The following NFYB variants were observed in gnomAD, a reference collection of about 807,000 sequenced individuals.
The protein encoded by NFYB is nuclear transcription factor Y subunit beta.
Under a neutral mutation model 28.0 loss-of-function variants are expected in NFYB, and 13 were observed. That is an observed-to-expected ratio of 0.46 (90% CI 0.30 to 0.74). The LOEUF is 0.74. NFYB is among the 30% of genes least tolerant of loss of function. The pLI, the probability that NFYB is intolerant of heterozygous loss-of-function variation, is 0.07. For missense variants in NFYB, 142 were observed against 247.6 expected, an observed-to-expected ratio of 0.57 and a Z score of 2.86; for synonymous variants, 74 against 75.0, an observed-to-expected ratio of 0.99 and a Z score of 0.07.
chr12:104,128,381 T>G (rs762544661), intron 3 of NFYB, 43 bp downstream of exon 3: 24 of 1,425,092 alleles, frequency 1.7e-5, no homozygotes, highest in Non-Finnish European at 2.3e-5. Flanking sequence ...ACTTTCTAAC[T>G]TGCTTCAACT....
At chr12:104,126,643 A>G (rs2030726679) in intron 3 of NFYB, among the ~76,000 whole-genome samples, 1 of 152,058 alleles carries the variant, frequency 6.6e-6, no homozygotes, top group South Asian at 2.1e-4. Flanking sequence ...TTGCTACTTA[A>G]TGTCACGAAT....
At chr12:104,124,796 T>G (rs577606070) in intron 4 of NFYB, among the ~76,000 whole-genome samples, 1 of 152,246 alleles carries the variant, frequency 6.6e-6, no homozygotes, top group African/African-American at 2.4e-5. Context: ...ACCAGCGGCA[T>G]AGCTGGTCAT....
At position 104,118,574 on chromosome 12, in the gene NFYB, G is replaced by T. The variant is rs1051508349; in HGVS notation, c.*1163C>A. On this transcript the variant is annotated 3_prime_UTR_variant, in exon 8 of 8. Coordinates refer to ENST00000240055, the MANE Select transcript of NFYB (RefSeq NM_006166.4). ...CCCTCAAGTTAATTAACACCAAAAA[G>T]AATAGATGAGAAAATACAAATCCTC... 7.9e-5 allele frequency: 12 copies of T among 152,416 alleles called. No individual in the cohort carries two copies. Among genetic ancestry groups the T allele is most frequent in the African/African-American group, 2.9e-4 (12 of 41,388 alleles). 9.4% of individuals were successfully genotyped at this position (152,416 alleles called of 1,614,324 possible).
At chr12:104,133,212 A>G (rs980186360) in intron 2 of NFYB, among the ~76,000 whole-genome samples, 2 of 152,246 alleles carry the variant, frequency 1.3e-5, no homozygotes, top group African/African-American at 4.8e-5. Context: ...AAACTGAGGT[A>G]CATGAGGCTA....
chr12:104,121,836 T>C (rs1385400432), intron 5 of NFYB, among the ~76,000 whole-genome samples: 1 of 152,216 alleles, frequency 6.6e-6, no homozygotes, highest in Non-Finnish European at 1.5e-5. Flanking sequence ...TTTTCCTACT[T>C]CAATTATTCC....
intron 4 of NFYB, among the ~76,000 whole-genome samples, chr12:104,124,349 G>A (rs1388350847): frequency 1.3e-5 from 2 of 152,108 alleles, no homozygotes; most frequent in Non-Finnish European, 2.9e-5. Flanking sequence ...TTCCCTTAAG[G>A]GTCTGGGGTC....
chr12:104,125,173 T>C (rs1284323872), intron 4 of NFYB: 1 of 152,174 alleles, frequency 6.6e-6, no homozygotes, highest in African/African-American at 2.4e-5. Flanking sequence ...AAAATTCTTA[T>C]TACACCTATA....
chr12:104,121,547 A>G (rs534763311), intron 5 of NFYB, among the ~76,000 whole-genome samples: 36 of 152,350 alleles, frequency 2.4e-4, no homozygotes, highest in African/African-American at 8.2e-4. Flanking sequence ...CCTAGAAAGC[A>G]AAGTATTTAC....
intron 5 of NFYB, among the ~76,000 whole-genome samples, chr12:104,121,639 C>T (rs1241293237): frequency 1.3e-5 from 2 of 152,126 alleles, no homozygotes; most frequent in Non-Finnish European, 1.5e-5. Context: ...CAAAACACCA[C>T]CAATATTGAG....
rs74401962 is a variant in NFYB, at chr12:104,134,477, T to C, written c.6+971A>G. On this transcript the variant is annotated intron_variant, in intron 2 of 7. Transcript: ENST00000240055. ...AGGTTCTTCCATCTCCTTCAAGCTC[T>C]ACCTCATCTATTACCTCTTTAAAAA... Among the ~76,000 whole-genome samples the C allele has an allele frequency of 4.7e-3, 721 of 152,258 alleles. 10 individuals carry two copies. The highest frequency in any genetic ancestry group is 0.016 in the African/African-American group (683 of 41,504).
At chr12:104,125,112 A>G (rs1000759767) in intron 4 of NFYB, 2 of 152,206 alleles carry the variant, frequency 1.3e-5, no homozygotes, top group Non-Finnish European at 2.9e-5. Context: ...GTATCTTAGT[A>G]TCTATAATTA....
intron 3 of NFYB, among the ~76,000 whole-genome samples, chr12:104,126,605 A>T (rs986868021): frequency 1.3e-5 from 2 of 152,220 alleles, no homozygotes; most frequent in East Asian, 3.9e-4. Flanking sequence ...TAGAATTTTT[A>T]TTATTCCTCA....
At position 104,128,430 on chromosome 12, in the gene NFYB, G is replaced by A; in HGVS notation, c.94C>T (p.His32Tyr). ...CTAATTGTGGCTTGCTTACCATCAT[G>A]AGGCTGTATAACATAATGACTTCCT... ...IGGSHYVIQPHDDTEDSMNDH... is the reference protein window; with the variant it reads ...IGGSHYVIQPYDDTEDSMNDH... Residue 32 changes from histidine (H) to tyrosine (Y), a missense_variant, in exon 3 of 8, where the codon CAT becomes TAT. His to Tyr is a moderately conservative substitution (Grantham distance 83). This residue lies in a region of NFYB where 54 missense variants were observed against 58.1 expected (regional missense o/e 0.93). Transcript: ENST00000240055. 6.2e-7 allele frequency: 1 copy of A among 1,604,322 alleles called. No homozygotes were observed. Among genetic ancestry groups the A allele is most frequent in the Non-Finnish European group, 8.5e-7 (1 of 1,174,376 alleles).
chr12:104,124,107 TACC>T (rs1381402009), intron 4 of NFYB, among the ~76,000 whole-genome samples: 2 of 152,214 alleles, frequency 1.3e-5, no homozygotes, highest in African/African-American at 4.8e-5. Flanking sequence ...GCGACATAAG[TACC>T]ACTTCTCTGC....
intron 4 of NFYB, among the ~76,000 whole-genome samples, chr12:104,123,784 A>G (rs2030574426): frequency 6.6e-6 from 1 of 152,132 alleles, no homozygotes. Context: ...ACATGGCGAA[A>G]CCCCATCTCT....
chr12:104,121,180 A>G, intron 6 of NFYB, 60 bp downstream of exon 6: 1 of 1,344,476 alleles, frequency 7.4e-7, no homozygotes, highest in Admixed American at 1.8e-5. Flanking sequence ...AAATACCATT[A>G]GATACTTAGT....
intron 3 of NFYB, among the ~76,000 whole-genome samples, chr12:104,127,428 C>T (rs2030756097): frequency 1.3e-5 from 2 of 151,762 alleles, no homozygotes. Flanking sequence ...ATTAGCTGGG[C>T]ATGGTGCTGG....
In NFYB at chr12:104,123,284, G is replaced by C; in HGVS notation, c.371C>G (p.Thr124Ser). 6.2e-7 allele frequency: 1 copy of C among 1,613,988 alleles called. No individual in the cohort carries two copies. ...TTCCACATAACTGTCAAAGCCTAAA[G>C]TAGACATAGCAAAGAGAATATCTTC... ...NGEDILFAMS[T>S]LGFDSYVEPL... The change falls in exon 5 of 8, where the codon ACT (threonine) becomes AGT (serine). Residue 124 changes from threonine to serine, a missense_variant. Around this residue, in one of 2 missense-constraint regions of NFYB, gnomAD observed 88 missense variants for 189.5 expected, o/e 0.46. Coordinates refer to ENST00000240055, the MANE Select transcript of NFYB (RefSeq NM_006166.4).
chr12:104,126,277 T>G, intron 3 of NFYB, 33 bp from the exon 4 acceptor site: 1 of 1,440,842 alleles, frequency 6.9e-7, no homozygotes, highest in Non-Finnish European at 9.2e-7. Flanking sequence ...GTGTAAAGCT[T>G]CTTATTATTT....
Sources: allele counts gnomAD v4.1 joint callset (sites outside exome capture counted in the v4.1 genomes callset), GRCh38; gene constraint gnomAD v4.1.1; regional missense constraint gnomAD v4.1.1; transcripts MANE v1.5; gene names NCBI Gene and HGNC (gene_info 2026-07-23, HGNC 2026-07-21).